The following TBC1D15 variants were observed in gnomAD, a reference collection of about 807,000 sequenced individuals.
TBC1D15 encodes TBC1 domain family member 15.
TBC1D15 carries 39 observed loss-of-function variants against 95.4 expected under a neutral mutation model. The ratio of observed to expected loss-of-function variants is 0.41; its 90% CI spans 0.32 to 0.53. The LOEUF is 0.53. TBC1D15 is among the 20% of genes least tolerant of loss of function. TBC1D15 has a pLI of 0.29. For synonymous variants in TBC1D15, 258 were observed against 261.3 expected (o/e 0.99, Z 0.12); for missense variants, 733 against 794.3 (o/e 0.92, Z 0.93).
At position 71,903,006 on chromosome 12, in the gene TBC1D15, G is replaced by A. The variant is rs142838947; in HGVS notation, c.1184-4016G>A. Among the ~76,000 whole-genome samples the A allele has an allele frequency of 3.4e-3, 523 of 152,202 alleles. 5 individuals are homozygous for A. Among genetic ancestry groups the A allele is most frequent in the Non-Finnish European group, 3.1e-3 (213 of 67,998 alleles). On this transcript the variant is annotated intron_variant, in intron 10 of 16. Coordinates refer to ENST00000485960, the MANE Select transcript of TBC1D15 (RefSeq NM_001146213.3). ...CGGCTCACTGCAACCCCTGCCTCCC[G>A]GGTTCAAGCAATTCTCTGCGTCAGC...
intron 5 of TBC1D15, among the ~76,000 whole-genome samples, chr12:71,889,082 A>G (rs529816902): frequency 6.6e-6 from 1 of 152,166 alleles, no homozygotes; most frequent in Admixed American, 6.5e-5. Context: ...AGAGAATGAA[A>G]TCAACTAAGG....
At chr12:71,879,660 G>A (rs1423680075) in intron 3 of TBC1D15, among the ~76,000 whole-genome samples, 1 of 151,918 alleles carries the variant, frequency 6.6e-6, no homozygotes, top group Non-Finnish European at 1.5e-5. Context: ...CTGTCAACTT[G>A]CTTTTCATTG....
chr12:71,892,682 G>A (rs1897395170), intron 5 of TBC1D15, among the ~76,000 whole-genome samples: 1 of 151,608 alleles, frequency 6.6e-6, no homozygotes, highest in African/African-American at 2.4e-5. Context: ...TTGTAATTAT[G>A]GTTAGCATGA....
At chr12:71,863,187 G>T (rs1890753473) in intron 1 of TBC1D15, among the ~76,000 whole-genome samples, 1 of 152,026 alleles carries the variant, frequency 6.6e-6, no homozygotes, top group East Asian at 1.9e-4. Context: ...GACCATCCTG[G>T]CTAACATGGT....
chr12:71,908,260 T>C (rs1027036923), intron 11 of TBC1D15, among the ~76,000 whole-genome samples: 9 of 152,178 alleles, frequency 5.9e-5, no homozygotes, highest in Admixed American at 3.9e-4. Context: ...AAGGAACCAT[T>C]ATTTTAAGGG....
chr12:71,923,219 T>A lies in TBC1D15; in HGVS notation c.*15T>A. 2 of 1,609,008 alleles carry A rather than the reference T, an allele frequency of 1.2e-6. No individual in the cohort carries two copies. Among genetic ancestry groups the A allele is most frequent in the South Asian group, 1.1e-5 (1 of 90,604 alleles). On this transcript the variant is annotated 3_prime_UTR_variant, in exon 17 of 17. Coordinates refer to ENST00000485960, the MANE Select transcript of TBC1D15 (RefSeq NM_001146213.3). The stretch of plus-strand genomic sequence containing the variant: ...CACCTGCATGATCACTGTTCTTGCT[T>A]TTTTGGGAAGAGACACTTTGTTGCA...
intron 1 of TBC1D15, among the ~76,000 whole-genome samples, chr12:71,845,813 A>ATTTTACC (rs2137822068): frequency 6.6e-6 from 1 of 152,276 alleles, no homozygotes; most frequent in South Asian, 2.1e-4. Flanking sequence ...TAGGGCAATA[A>ATTTTACC]TTTTACCCTG....
At chr12:71,870,658 A>C (rs1892475266) in intron 1 of TBC1D15, among the ~76,000 whole-genome samples, 1 of 152,176 alleles carries the variant, frequency 6.6e-6, no homozygotes, top group African/African-American at 2.4e-5. Flanking sequence ...TTTCAGTTTC[A>C]TCACCACCGG....
At chr12:71,881,876 C>A (rs1435268393) in intron 4 of TBC1D15, among the ~76,000 whole-genome samples, 1 of 146,602 alleles carries the variant, frequency 6.8e-6, no homozygotes, top group African/African-American at 2.6e-5. Context: ...CGAGATTGTG[C>A]CACTGCACTG....
intron 5 of TBC1D15, among the ~76,000 whole-genome samples, chr12:71,891,921 G>T (rs1897262533): frequency 6.6e-6 from 1 of 151,846 alleles, no homozygotes; most frequent in Non-Finnish European, 1.5e-5. Context: ...TTTTTATTTG[G>T]GTTTTAAAGA....
At chr12:71,854,253 G>A (rs1888507992) in intron 1 of TBC1D15, among the ~76,000 whole-genome samples, 1 of 152,170 alleles carries the variant, frequency 6.6e-6, no homozygotes, top group African/African-American at 2.4e-5. Context: ...AGATTGGTCA[G>A]TATTTTTAGT....
At chr12:71,868,117 T>A (rs1376916878) in intron 1 of TBC1D15, among the ~76,000 whole-genome samples, 3 of 152,168 alleles carry the variant, frequency 2.0e-5, no homozygotes, top group Non-Finnish European at 4.4e-5. Context: ...AAGCTAAACA[T>A]GACTTCTTTC....
chr12:71,908,176 GA>G (rs1042273856), intron 11 of TBC1D15, among the ~76,000 whole-genome samples: 1 of 151,636 alleles, frequency 6.6e-6, no homozygotes, highest in Admixed American at 6.6e-5. Flanking sequence ...CTGTCTCAAG[GA>G]AAAAAAAGAA....
At chr12:71,892,380 CAGG>C (rs1897340034) in intron 5 of TBC1D15, among the ~76,000 whole-genome samples, 1 of 151,954 alleles carries the variant, frequency 6.6e-6, no homozygotes, top group Admixed American at 6.6e-5. Flanking sequence ...TTATAATAAA[CAGG>C]AGGTGTATAG....
At chr12:71,885,120 G>A in intron 5 of TBC1D15, 99 bp downstream of exon 5, 4 of 1,130,342 alleles carry the variant, frequency 3.5e-6, no homozygotes, top group Non-Finnish European at 5.1e-6. Flanking sequence ...TGACCTATTT[G>A]CATATGAGGA....
At position 71,897,859 on chromosome 12, in the gene TBC1D15, C is replaced by T. The variant is rs1898530739; in HGVS notation, c.1101C>T (p.Phe367=). 1.2e-6 allele frequency: 2 copies of T among 1,611,948 alleles called. No individual in the cohort carries two copies. Among genetic ancestry groups the T allele is most frequent in the East Asian group, 2.2e-5 (1 of 44,692 alleles). The change falls in exon 10 of 17, where the codon TTC becomes TTT. Residue 367 remains phenylalanine (F), a synonymous_variant. Transcript: ENST00000485960. ...TTGTTTTCTATAGTGATGAATACTT[C>T]AGAATGAAACTGCAGTGGAAATCCA... The part of the protein sequence containing the change: ...QLQKQKTDEY[F]RMKLQWKSIS...
chr12:71,848,523 T>G lies in TBC1D15; in HGVS notation c.30+8712T>G, dbSNP rs182808580. Among the ~76,000 whole-genome samples, 824 of 152,334 alleles carry G rather than the reference T, an allele frequency of 5.4e-3. 11 individuals are homozygous for G. Among genetic ancestry groups the G allele is most frequent in the African/African-American group, 0.019 (785 of 41,574 alleles). ...TGTCTGTTTAAATCTTCTGCTTATT[T>G]TTTTTCAAACTGTGTTTTTTTGTCA... is the stretch of plus-strand genomic sequence containing the variant. On this transcript the variant is annotated intron_variant, in intron 1 of 16. Coordinates refer to ENST00000485960, the MANE Select transcript of TBC1D15 (RefSeq NM_001146213.3).
chr12:71,871,912 CT>C (rs999030306), intron 1 of TBC1D15, among the ~76,000 whole-genome samples, 157 bp from the exon 2 acceptor site: 8 of 152,112 alleles, frequency 5.3e-5, no homozygotes, highest in African/African-American at 1.9e-4. Flanking sequence ...GATTGAAGTG[CT>C]GTTAACTCTG....
At chr12:71,842,419 AG>A (rs1413311039) in intron 1 of TBC1D15, among the ~76,000 whole-genome samples, 1 of 152,204 alleles carries the variant, frequency 6.6e-6, no homozygotes, top group Admixed American at 6.5e-5. Flanking sequence ...TAAATATATT[AG>A]AAACTGTAGA....
Sources: allele counts gnomAD v4.1 joint callset (sites outside exome capture counted in the v4.1 genomes callset), GRCh38; gene constraint gnomAD v4.1.1; transcripts MANE v1.5; gene names NCBI Gene and HGNC (gene_info 2026-07-23, HGNC 2026-07-21).